CAMTA1: variants seen among roughly 807,000 people sequenced by gnomAD.
The protein encoded by CAMTA1 is calmodulin binding transcription activator 1, also known as calmodulin-binding transcription activator 1.
Under a neutral mutation model 170.9 loss-of-function variants are expected in CAMTA1, and 27 were observed. That is an observed-to-expected ratio of 0.16 (90% CI 0.12 to 0.22). CAMTA1 has a LOEUF of 0.22. Ranked by LOEUF, CAMTA1 falls within the 10% of genes least tolerant of loss-of-function variation. The probability of loss-of-function intolerance (pLI) is 1.00; values close to 1 mark genes in which losing one functional copy is unlikely to be tolerated. For missense variants in CAMTA1, 1,619 were observed against 2,217.2 expected (o/e 0.73, Z 5.42); for synonymous variants, 833 against 891.5 (o/e 0.93, Z 1.17).
intron 6 of CAMTA1, among the ~76,000 whole-genome samples, chr1:7,636,943 A>G (rs2095716766): frequency 6.6e-6 from 1 of 152,238 alleles, no homozygotes; most frequent in African/African-American, 2.4e-5. Context: ...CACAAAGCCA[A>G]ATGCCACCCT....
At chr1:7,076,278 T>A (rs1639293564) in intron 3 of CAMTA1, among the ~76,000 whole-genome samples, 2 of 152,358 alleles carry the variant, frequency 1.3e-5, no homozygotes, top group South Asian at 2.1e-4. Flanking sequence ...CCTCCTCCTC[T>A]TGCTATTGCT....
intron 3 of CAMTA1, among the ~76,000 whole-genome samples, chr1:7,082,404 T>C (rs557228499): frequency 1.1e-4 from 17 of 152,110 alleles, no homozygotes; most frequent in Admixed American, 1.0e-3. Flanking sequence ...TGCCGCTGCC[T>C]TCCAGCCCAG....
chr1:7,760,867 C>G (rs773354996), intron 22 of CAMTA1, among the ~76,000 whole-genome samples: 6 of 152,240 alleles, frequency 3.9e-5, no homozygotes, highest in Non-Finnish European at 8.8e-5. Flanking sequence ...TCCACTGACT[C>G]ATGAGACATT....
At chr1:7,213,419 T>C (rs1659137874) in intron 4 of CAMTA1, among the ~76,000 whole-genome samples, 1 of 152,212 alleles carries the variant, frequency 6.6e-6, no homozygotes, top group Non-Finnish European at 1.5e-5. Flanking sequence ...TTTGGTGAAT[T>C]ACCTTTTGGA....
chr1:7,485,433 T>A (rs1422931523), intron 6 of CAMTA1, among the ~76,000 whole-genome samples: 1 of 152,044 alleles, frequency 6.6e-6, no homozygotes, highest in African/African-American at 2.4e-5. Context: ...CTGGGGAAGG[T>A]GAAAGGGTTT....
chr1:7,574,879 T>C (rs753594302), intron 6 of CAMTA1, among the ~76,000 whole-genome samples: 14 of 152,204 alleles, frequency 9.2e-5, no homozygotes, highest in Admixed American at 3.9e-4. Context: ...CTTGGCTTAC[T>C]GAGAGGTCCG....
At chr1:7,524,373 AT>A (rs770909616) in intron 6 of CAMTA1, among the ~76,000 whole-genome samples, 1 of 152,016 alleles carries the variant, frequency 6.6e-6, no homozygotes, top group African/African-American at 2.4e-5. Flanking sequence ...TTAGTTCTAG[AT>A]TTTTTTTGTA....
chr1:7,713,268 A>G (rs1238131305), intron 11 of CAMTA1, among the ~76,000 whole-genome samples: 1 of 152,208 alleles, frequency 6.6e-6, no homozygotes, highest in African/African-American at 2.4e-5. Flanking sequence ...AGTCTGTGCT[A>G]GGATGGAGTA....
chr1:6,897,676 A>G (rs1054824529), intron 3 of CAMTA1, among the ~76,000 whole-genome samples: 2 of 152,116 alleles, frequency 1.3e-5, no homozygotes, highest in Non-Finnish European at 2.9e-5. Context: ...ACTTGACCCT[A>G]TGTTTGACAC....
chr1:7,134,705 G>T (rs1371493714), intron 4 of CAMTA1, among the ~76,000 whole-genome samples: 1 of 152,078 alleles, frequency 6.6e-6, no homozygotes, highest in Non-Finnish European at 1.5e-5. Flanking sequence ...CCATTACTGG[G>T]TATATGCCCA....
chr1:7,238,739 C>T (rs1056422237), intron 4 of CAMTA1, among the ~76,000 whole-genome samples: 1 of 152,146 alleles, frequency 6.6e-6, no homozygotes, highest in Non-Finnish European at 1.5e-5. Context: ...CAAAAATTAG[C>T]GGGGCGTGGG....
intron 6 of CAMTA1, among the ~76,000 whole-genome samples, chr1:7,500,900 C>T (rs2093994952): frequency 6.6e-6 from 1 of 152,118 alleles, no homozygotes. Context: ...GCTTCATGCT[C>T]AACTGGTCAC....
At chr1:6,911,834 C>A (rs1457058208) in intron 3 of CAMTA1, among the ~76,000 whole-genome samples, 1 of 152,230 alleles carries the variant, frequency 6.6e-6, no homozygotes, top group African/African-American at 2.4e-5. Flanking sequence ...GGGCTCTGTT[C>A]CGCGAGCCCT....
At chr1:6,835,314 A>C (rs139838183) in intron 3 of CAMTA1, among the ~76,000 whole-genome samples, 1 of 152,334 alleles carries the variant, frequency 6.6e-6, no homozygotes, top group African/African-American at 2.4e-5. Flanking sequence ...TGTACTGTGC[A>C]GACAGTTTAT....
At chr1:7,444,369 A>C (rs1184135347) in intron 5 of CAMTA1, among the ~76,000 whole-genome samples, 3 of 152,216 alleles carry the variant, frequency 2.0e-5, no homozygotes, top group African/African-American at 4.8e-5. Context: ...CAGCCACAGT[A>C]GCTTCTGCCA....
chr1:7,655,415 C>CAT (rs2095889303), intron 7 of CAMTA1, among the ~76,000 whole-genome samples: 1 of 149,120 alleles, frequency 6.7e-6, no homozygotes, highest in African/African-American at 2.5e-5. Context: ...CACCTATACA[C>CAT]ACACACCTAT....
chr1:6,922,758 G>A (rs886235599), intron 3 of CAMTA1, among the ~76,000 whole-genome samples: 1 of 152,156 alleles, frequency 6.6e-6, no homozygotes, highest in African/African-American at 2.4e-5. Flanking sequence ...TTCTTGGTGG[G>A]AGGAGTGCCA....
intron 4 of CAMTA1, among the ~76,000 whole-genome samples, chr1:7,108,341 A>C (rs1278066264): frequency 6.6e-6 from 1 of 152,162 alleles, no homozygotes; most frequent in African/African-American, 2.4e-5. Flanking sequence ...ACATGAGTGA[A>C]GCGTGTTAAG....
At chr1:7,718,222 G>A (rs912301836) in intron 11 of CAMTA1, among the ~76,000 whole-genome samples, 11 of 151,716 alleles carry the variant, frequency 7.3e-5, no homozygotes, top group Non-Finnish European at 2.9e-5. Flanking sequence ...TGGGCGTTCC[G>A]TAAACACAGT....
Sources: gnomAD v4.1 joint callset for allele counts (sites outside exome capture counted in the v4.1 genomes callset) on GRCh38, gnomAD v4.1.1 for gene constraint, MANE v1.5 for transcripts, NCBI Gene and HGNC (gene_info 2026-07-23, HGNC 2026-07-21) for gene names.